NCKAP5: variants seen among roughly 807,000 people sequenced by gnomAD.
NCKAP5 encodes the protein nck-associated protein 5.
A neutral mutation model predicts 167.0 loss-of-function variants in NCKAP5; 92 were observed. That is an observed-to-expected ratio of 0.55 (90% confidence interval 0.47 to 0.66). The LOEUF (loss-of-function observed/expected upper bound fraction) is 0.66, where lower values mean the gene tolerates loss of function less well. Ranked by LOEUF, NCKAP5 falls within the 30% of genes least tolerant of loss-of-function variation. The probability of loss-of-function intolerance (pLI) is 0.00; values close to 1 mark genes in which losing one functional copy is unlikely to be tolerated. For missense variants in NCKAP5, 2,378 were observed against 2,315.0 expected, an observed-to-expected ratio of 1.03 and a Z score of -0.56; for synonymous variants, 891 against 877.4, an observed-to-expected ratio of 1.02 and a Z score of -0.27.
intron 4 of NCKAP5, among the ~76,000 whole-genome samples, chr2:133,289,371 C>T (rs1294504152): frequency 6.6e-6 from 1 of 151,494 alleles, no homozygotes; most frequent in African/African-American, 2.4e-5. Context: ...GAAAATTCAC[C>T]CTCTGTTTGG....
At chr2:132,816,708 C>T (rs1232431155) in intron 11 of NCKAP5, among the ~76,000 whole-genome samples, 1 of 152,194 alleles carries the variant, frequency 6.6e-6, no homozygotes, top group Non-Finnish European at 1.5e-5. Flanking sequence ...AACTGGATGA[C>T]ACTTGTCCTG....
intron 5 of NCKAP5, among the ~76,000 whole-genome samples, chr2:133,138,288 A>T (rs991252730): frequency 2.0e-5 from 3 of 152,230 alleles, no homozygotes; most frequent in African/African-American, 7.2e-5. Flanking sequence ...CTATAAAGTC[A>T]TGGTGGAAAA....
Position 132,789,424 on chromosome 2 carries a change from T to TG in NCKAP5, c.1092+598dup, listed in dbSNP as rs535157851. ...GCAACCTTGAGATCTTCTGAGTTCT[T>TG]GTTCAGAGGATGACAAAGCTACTCC... On this transcript the variant is annotated intron_variant, in intron 13 of 19. Transcript: ENST00000409261. 2.4e-4 allele frequency among the ~76,000 whole-genome samples: 36 copies of TG among 152,316 alleles called. No individual in the cohort carries two copies. The South Asian group carries it at 6.4e-3, about 27-fold the overall frequency.
intron 2 of NCKAP5, among the ~76,000 whole-genome samples, chr2:133,534,642 C>A (rs1474221611): frequency 6.6e-6 from 1 of 152,140 alleles, no homozygotes; most frequent in African/African-American, 2.4e-5. Context: ...CAGGAATCAT[C>A]CATGTTGCAG....
intron 4 of NCKAP5, among the ~76,000 whole-genome samples, chr2:133,245,834 T>C (rs1336980745): frequency 4.0e-5 from 6 of 149,724 alleles, no homozygotes; most frequent in Middle Eastern, 3.5e-3. Flanking sequence ...ATTGAAAAAA[T>C]TCCCCCTGCT....
At chr2:133,529,140 T>G (rs949254513) in intron 2 of NCKAP5, among the ~76,000 whole-genome samples, 18 of 152,188 alleles carry the variant, frequency 1.2e-4, no homozygotes, top group African/African-American at 4.3e-4. Flanking sequence ...GATAATTTTT[T>G]TTTATTTTGT....
At chr2:133,600,774 C>T in the NCKAP5 span, among the ~76,000 whole-genome samples, 10 of 152,212 alleles carry the variant, frequency 6.6e-5, no homozygotes, top group African/African-American at 1.9e-4. Flanking sequence ...GCTCCATCCC[C>T]GCTCAGGCTC....
At chr2:133,482,356 T>G (rs1680533264) in intron 3 of NCKAP5, among the ~76,000 whole-genome samples, 1 of 152,062 alleles carries the variant, frequency 6.6e-6, no homozygotes, top group Admixed American at 6.6e-5. Context: ...TAACTGGGAC[T>G]ACAGGCATGT....
chr2:133,359,602 T>C (rs1397470462), intron 3 of NCKAP5, among the ~76,000 whole-genome samples: 2 of 152,222 alleles, frequency 1.3e-5, no homozygotes, highest in Admixed American at 1.3e-4. Flanking sequence ...AGAAAAAAGT[T>C]ATTGAATTCA....
chr2:133,370,167 C>T (rs1685708075), intron 3 of NCKAP5, among the ~76,000 whole-genome samples: 1 of 152,114 alleles, frequency 6.6e-6, no homozygotes. Flanking sequence ...AAGAAAGAGC[C>T]ATTTAGCATT....
At chr2:132,717,312 G>C (rs552457365) in intron 19 of NCKAP5, among the ~76,000 whole-genome samples, 33 of 152,306 alleles carry the variant, frequency 2.2e-4, no homozygotes, top group African/African-American at 7.9e-4. Context: ...CTTACCTGTA[G>C]TGTCCACTTT....
At chr2:133,490,322 G>A (rs1483074952) in intron 3 of NCKAP5, among the ~76,000 whole-genome samples, 3 of 152,086 alleles carry the variant, frequency 2.0e-5, no homozygotes, top group African/African-American at 7.2e-5. Flanking sequence ...AGATCCTTTA[G>A]GGAACACCCA....
chr2:133,510,065 G>A (rs1683352302), intron 3 of NCKAP5, among the ~76,000 whole-genome samples: 1 of 152,156 alleles, frequency 6.6e-6, no homozygotes, highest in Admixed American at 6.5e-5. Context: ...GTCAGAGGAG[G>A]CAGGACCAAT....
Position 133,242,139 on chromosome 2 carries a change from AAAGCAAAAATG to A in NCKAP5, c.144-28371_144-28361del, listed in dbSNP as rs1559307784. Among the ~76,000 whole-genome samples, 3 of 151,244 alleles carry A rather than the reference AAAGCAAAAATG, an allele frequency of 2.0e-5. No homozygotes were observed. The East Asian group carries it at 5.8e-4, about 29-fold the overall frequency. On this transcript the variant is annotated intron_variant, in intron 4 of 19. Transcript: ENST00000409261. ...TGTCTCAAAAAAAAAAAAAAAAAAAAAAGCAAAAATGACCAAGGCAAAATAGCTCCATTCTG... is the reference window on the plus strand; with the variant it reads ...TGTCTCAAAAAAAAAAAAAAAAAAAAACCAAGGCAAAATAGCTCCATTCTG...
At chr2:133,418,661 C>T (rs1574920432) in intron 3 of NCKAP5, among the ~76,000 whole-genome samples, 1 of 152,098 alleles carries the variant, frequency 6.6e-6, no homozygotes, top group Non-Finnish European at 1.5e-5. Flanking sequence ...GTGGTATATA[C>T]CAGTGCAAGG....
At chr2:132,711,760 C>G (rs183018325) in intron 19 of NCKAP5, among the ~76,000 whole-genome samples, 57 of 152,172 alleles carry the variant, frequency 3.7e-4, no homozygotes, top group Non-Finnish European at 5.6e-4. Flanking sequence ...TAGAAAAACT[C>G]AATTAGGCCA....
chr2:133,105,899 G>A (rs947945453), intron 6 of NCKAP5, among the ~76,000 whole-genome samples: 6 of 152,036 alleles, frequency 3.9e-5, no homozygotes, highest in South Asian at 2.1e-4. Flanking sequence ...TTTATATTGC[G>A]CTTTCACAGG....
intron 5 of NCKAP5, among the ~76,000 whole-genome samples, chr2:133,203,562 CT>C (rs2085804182): frequency 6.6e-6 from 1 of 151,962 alleles, no homozygotes; most frequent in Non-Finnish European, 1.5e-5. Context: ...AGAAAGTTGT[CT>C]TCTAAAATTC....
the NCKAP5 span, among the ~76,000 whole-genome samples, chr2:133,581,915 C>G: frequency 6.6e-6 from 1 of 152,170 alleles, no homozygotes; most frequent in Non-Finnish European, 1.5e-5. Context: ...CCATGCAATA[C>G]ACATTTGACT....
Sources: gnomAD v4.1 joint callset for allele counts (sites outside exome capture counted in the v4.1 genomes callset) on GRCh38, gnomAD v4.1.1 for gene constraint, MANE v1.5 for transcripts, NCBI Gene and HGNC (gene_info 2026-07-23, HGNC 2026-07-21) for gene names.